OSTN: variants seen among roughly 807,000 people sequenced by gnomAD.
OSTN encodes the protein osteocrin.
In OSTN, 9 loss-of-function variants were observed where a neutral mutation model predicts 12.0. The ratio of observed to expected loss-of-function variants is 0.75; its 90% CI spans 0.45 to 1.30. The LOEUF (loss-of-function observed/expected upper bound fraction) is 1.30. Ranked by LOEUF, OSTN falls within the 50% of genes most tolerant of loss-of-function variation. The pLI, the probability that OSTN is intolerant of heterozygous loss-of-function variation, is 0.00. For missense variants in OSTN, 148 were observed against 152.3 expected, an observed-to-expected ratio of 0.97 and a Z score of 0.15; for synonymous variants, 59 against 56.9, an observed-to-expected ratio of 1.04 and a Z score of -0.16.
At chr3:191,209,034 C>T (rs1298367500) in intron 1 of OSTN, among the ~76,000 whole-genome samples, 2 of 152,132 alleles carry the variant, frequency 1.3e-5, no homozygotes, top group African/African-American at 4.8e-5. Context: ...TGGTGGGCAC[C>T]TGTAATCCCA....
intron 3 of OSTN, among the ~76,000 whole-genome samples, chr3:191,225,861 T>C (rs1714896259): frequency 6.6e-6 from 1 of 152,132 alleles, no homozygotes; most frequent in Non-Finnish European, 1.5e-5. Flanking sequence ...ATAAACTACC[T>C]ACTGAGTATT....
intron 1 of OSTN, among the ~76,000 whole-genome samples, chr3:191,200,274 A>C (rs6790793): frequency 0.33 from 49,996 of 151,866 alleles, 9,262 homozygotes; most frequent in Middle Eastern, 0.5. Context: ...CCTTCATGTC[A>C]GTGAATTTTA....
chr3:191,227,528 G>A (rs1233008450), intron 3 of OSTN, among the ~76,000 whole-genome samples: 1 of 152,074 alleles, frequency 6.6e-6, no homozygotes, highest in South Asian at 2.1e-4. Context: ...TTTAGAAGAC[G>A]AAAGCACGCA....
In OSTN at chr3:191,265,228, TTTTTG is replaced by T. The variant is rs1715896557; in HGVS notation, c.*2384_*2388del. On this transcript the variant is annotated 3_prime_UTR_variant, in exon 5 of 5. Coordinates refer to ENST00000682035, the MANE Select transcript of OSTN (RefSeq NM_198184.2). ...AACTATATTTCAACTTGAAGGGACT[TTTTTG>T]TTTTGTTTCAAAATAATGCATTACT... The T allele has an allele frequency of 6.6e-6, 1 of 152,198 alleles. No individual in the cohort carries two copies. The highest frequency in any genetic ancestry group is 6.5e-5 in the Admixed American group (1 of 15,286). 9.4% of individuals were successfully genotyped at this position (152,198 alleles called of 1,614,324 possible).
chr3:191,247,412 G>T (rs577267687), intron 3 of OSTN, among the ~76,000 whole-genome samples: 1 of 152,180 alleles, frequency 6.6e-6, no homozygotes, highest in Non-Finnish European at 1.5e-5. Flanking sequence ...AGGCAAGGGT[G>T]TAGCTAGAGT....
chr3:191,212,577 G>A lies in OSTN; in HGVS notation c.45G>A (p.Val15=). Residue 15 remains valine (V), a synonymous_variant, in exon 2 of 5, where the codon GTG becomes GTA. Transcript: ENST00000682035. ...RLASAHFILA[V]TLTLWSSGKV... is the part of the protein sequence containing the mutation. ...CAAGTGCACATTTCATCCTGGCTGTGACACTGACACTGTGGAGCTCAGGAA... is the reference window on the plus strand; with the variant it reads ...CAAGTGCACATTTCATCCTGGCTGTAACACTGACACTGTGGAGCTCAGGAA... 6.3e-7 allele frequency: 1 copy of A among 1,597,338 alleles called. No individual in the cohort carries two copies. The highest frequency in any genetic ancestry group is 8.6e-7 in the Non-Finnish European group (1 of 1,169,242).
At chr3:191,229,964 G>C (rs1478509709) in intron 3 of OSTN, 1 of 151,796 alleles carries the variant, frequency 6.6e-6, no homozygotes, top group Non-Finnish European at 1.5e-5. Flanking sequence ...TACTCGGCAG[G>C]CTGAGGCACA....
chr3:191,247,084 G>C (rs144349174), intron 3 of OSTN, among the ~76,000 whole-genome samples: 1 of 152,140 alleles, frequency 6.6e-6, no homozygotes, highest in African/African-American at 2.4e-5. Flanking sequence ...TGACTACCAC[G>C]AGGAAAATAA....
At chr3:191,244,314 A>G (rs1431232075) in intron 3 of OSTN, among the ~76,000 whole-genome samples, 2 of 152,032 alleles carry the variant, frequency 1.3e-5, no homozygotes, top group Non-Finnish European at 2.9e-5. Context: ...TAAACAATCT[A>G]ATCATTGTGA....
intron 1 of OSTN, among the ~76,000 whole-genome samples, chr3:191,203,541 A>G (rs796151592): frequency 6.6e-6 from 1 of 152,212 alleles, no homozygotes; most frequent in South Asian, 2.1e-4. Context: ...AAAAGAGTGA[A>G]AATGGTGCCA....
chr3:191,205,410 A>G (rs922806202), intron 1 of OSTN, among the ~76,000 whole-genome samples: 8 of 149,696 alleles, frequency 5.3e-5, no homozygotes, highest in African/African-American at 2.0e-4. Flanking sequence ...TTTCATTGAC[A>G]GAGAATTTTT....
chr3:191,205,655 GAGT>G (rs1714256443), intron 1 of OSTN, among the ~76,000 whole-genome samples: 1 of 151,902 alleles, frequency 6.6e-6, no homozygotes, highest in Non-Finnish European at 1.5e-5. Flanking sequence ...AAATGCAGGA[GAGT>G]AGTACTCAAT....
intron 2 of OSTN, among the ~76,000 whole-genome samples, chr3:191,214,430 C>A (rs1714548204): frequency 9.0e-6 from 1 of 111,398 alleles, no homozygotes; most frequent in African/African-American, 3.8e-5. Flanking sequence ...GAGTGAGACT[C>A]CATCTCAAAA....
chr3:191,216,242 C>A (rs1714607584), intron 2 of OSTN, among the ~76,000 whole-genome samples: 1 of 151,970 alleles, frequency 6.6e-6, no homozygotes, highest in Admixed American at 6.6e-5. Context: ...GGCACCAAGT[C>A]CCAAGACTGC....
intron 4 of OSTN, among the ~76,000 whole-genome samples, chr3:191,256,957 GGA>G (rs1387974636): frequency 2.0e-5 from 3 of 151,884 alleles, no homozygotes; most frequent in African/African-American, 7.2e-5. Context: ...CAAGGCAAGA[GGA>G]CCACTTTGAG....
intron 3 of OSTN, among the ~76,000 whole-genome samples, chr3:191,233,872 G>C (rs746675488): frequency 1.1e-4 from 16 of 151,892 alleles, no homozygotes; most frequent in Non-Finnish European, 2.1e-4. Context: ...GCATGCCTGT[G>C]ATCCTAGCTA....
chr3:191,258,139 G>A (rs969028227), intron 4 of OSTN, among the ~76,000 whole-genome samples: 1 of 152,182 alleles, frequency 6.6e-6, no homozygotes, highest in Non-Finnish European at 1.5e-5. Context: ...AGCACAGAGA[G>A]AATTTGATTT....
At chr3:191,240,184 A>T (rs568675561) in intron 3 of OSTN, among the ~76,000 whole-genome samples, 30 of 152,286 alleles carry the variant, frequency 2.0e-4, no homozygotes, top group South Asian at 8.3e-4. Flanking sequence ...TTGAATTTAA[A>T]TTTTAACATG....
chr3:191,256,252 T>TA (rs1340955763), intron 4 of OSTN, among the ~76,000 whole-genome samples: 2 of 152,158 alleles, frequency 1.3e-5, no homozygotes, highest in Non-Finnish European at 2.9e-5. Context: ...CACACTTATA[T>TA]AAATATAATG....
Sources: gnomAD v4.1 joint callset for allele counts (sites outside exome capture counted in the v4.1 genomes callset) on GRCh38, gnomAD v4.1.1 for gene constraint, MANE v1.5 for transcripts, NCBI Gene and HGNC (gene_info 2026-07-23, HGNC 2026-07-21) for gene names.